Variants in TAF13 observed in about 807,000 individuals in gnomAD.
TAF13 encodes the protein transcription initiation factor TFIID subunit 13.
In TAF13, 9 loss-of-function variants were observed where a neutral mutation model predicts 18.7. The observed-to-expected ratio is 0.48, with a 90% CI of 0.29 to 0.84. The LOEUF (loss-of-function observed/expected upper bound fraction) is 0.84, where lower values mean the gene tolerates loss of function less well. Among genes scored for constraint, TAF13 ranks in the 40% least tolerant of loss-of-function variants. The probability of loss-of-function intolerance (pLI) is 0.08; values close to 1 mark genes in which losing one functional copy is unlikely to be tolerated. For synonymous variants in TAF13, 49 were observed against 44.1 expected (o/e 1.11, Z -0.44); for missense variants, 105 against 146.5 (o/e 0.72, Z 1.46).
intron 2 of TAF13, among the ~76,000 whole-genome samples, chr1:109,068,459 A>G (rs1167440107): frequency 1.3e-5 from 2 of 152,016 alleles, no homozygotes; most frequent in East Asian, 3.9e-4. Context: ...TTCTAGAGAC[A>G]GGGGTCTTGC....
chr1:109,075,243 C>A (rs1392537325), intron 1 of TAF13, among the ~76,000 whole-genome samples, 178 bp from the exon 2 acceptor site: 3 of 151,548 alleles, frequency 2.0e-5, no homozygotes, highest in African/African-American at 7.3e-5. Flanking sequence ...CAACTTCCAA[C>A]TCATGCAAAA....
intron 2 of TAF13, among the ~76,000 whole-genome samples, chr1:109,071,028 G>A (rs1298381118): frequency 6.6e-6 from 1 of 152,204 alleles, no homozygotes; most frequent in Non-Finnish European, 1.5e-5. Flanking sequence ...AGTGTCTGGC[G>A]GCTCATGCCT....
At chr1:109,074,594 A>T (rs1664148197) in intron 2 of TAF13, among the ~76,000 whole-genome samples, 1 of 152,144 alleles carries the variant, frequency 6.6e-6, no homozygotes, top group African/African-American at 2.4e-5. Flanking sequence ...AAAATTAAAA[A>T]AATAAAATAA....
chr1:109,075,209 T>C (rs922827579), intron 1 of TAF13, 144 bp from the exon 2 acceptor site: 45 of 681,320 alleles, frequency 6.6e-5, no homozygotes, highest in Admixed American at 2.9e-5. Flanking sequence ...AACCTTAGCA[T>C]TGAAGGAGCC....
chr1:109,071,616 G>A (rs1412288368), intron 2 of TAF13, among the ~76,000 whole-genome samples: 1 of 151,440 alleles, frequency 6.6e-6, no homozygotes, highest in Non-Finnish European at 1.5e-5. Flanking sequence ...CTGTCTCTAA[G>A]AAAATAAATA....
chr1:109,067,369 G>A (rs957864703), intron 2 of TAF13, among the ~76,000 whole-genome samples: 1 of 151,784 alleles, frequency 6.6e-6, no homozygotes, highest in South Asian at 2.1e-4. Flanking sequence ...TCAGGAGGCT[G>A]AGGCAGATCA....
chr1:109,070,393 A>C (rs943135686), intron 2 of TAF13, among the ~76,000 whole-genome samples: 1 of 151,842 alleles, frequency 6.6e-6, no homozygotes, highest in Non-Finnish European at 1.5e-5. Flanking sequence ...TAATTTTTCT[A>C]TTTTTAGTAG....
At chr1:109,065,857 G>A (rs769469052) in intron 3 of TAF13, among the ~76,000 whole-genome samples, 18 of 150,912 alleles carry the variant, frequency 1.2e-4, no homozygotes, top group Non-Finnish European at 2.1e-4. Context: ...GGAGACGGAG[G>A]TTGCAGTGAG....
chr1:109,064,808 T>C (rs1401237729), intron 3 of TAF13, 115 bp from the exon 4 acceptor site: 26 of 836,418 alleles, frequency 3.1e-5, no homozygotes, highest in Admixed American at 6.6e-5. Flanking sequence ...ATTATTATTA[T>C]GGCTATTCAT....
Position 109,064,556 on chromosome 1 carries a change from T to C in TAF13, c.342A>G (p.Arg114=). 6.4e-7 allele frequency: 1 copy of C among 1,550,478 alleles called. No individual in the cohort carries two copies. The highest frequency in any genetic ancestry group is 8.7e-7 in the Non-Finnish European group (1 of 1,151,048). Residue 114 remains arginine (R), a synonymous_variant, in exon 4 of 4, where the codon AGA becomes AGG. Coordinates refer to ENST00000338366, the MANE Select transcript of TAF13 (RefSeq NM_005645.4). The part of the protein sequence containing the change: ...LTMNEELKRA[R]KAFDEANYGS Reference sequence around the variant, plus strand: ...CATAATTTGCTTCATCAAATGCTTTTCTAGCTCGTTTCAATTCTTCATTCA... The same window carrying C: ...CATAATTTGCTTCATCAAATGCTTTCCTAGCTCGTTTCAATTCTTCATTCA...
chr1:109,069,221 G>A (rs1012391357), intron 2 of TAF13, among the ~76,000 whole-genome samples: 5 of 130,650 alleles, frequency 3.8e-5, no homozygotes, highest in African/African-American at 1.4e-4. Context: ...GTGTGTGTGT[G>A]CGCACATGTA....
At chr1:109,073,098 T>G (rs1452824996) in intron 2 of TAF13, among the ~76,000 whole-genome samples, 2 of 152,040 alleles carry the variant, frequency 1.3e-5, no homozygotes, top group South Asian at 2.1e-4. Flanking sequence ...CACTTGCTAC[T>G]CTCCCTCAAC....
chr1:109,073,141 T>A (rs1553243527), intron 2 of TAF13, among the ~76,000 whole-genome samples: 1 of 152,174 alleles, frequency 6.6e-6, no homozygotes, highest in Non-Finnish European at 1.5e-5. Context: ...ACCTGTGGCT[T>A]ACAGTCAAAG....
intron 2 of TAF13, among the ~76,000 whole-genome samples, chr1:109,074,108 T>G (rs1282456087): frequency 6.6e-6 from 1 of 152,196 alleles, no homozygotes; most frequent in African/African-American, 2.4e-5. Flanking sequence ...CGGGCCATGA[T>G]GACGATGGCG....
intron 2 of TAF13, 138 bp from the exon 3 acceptor site, chr1:109,066,370 C>A: frequency 1.5e-6 from 1 of 677,870 alleles, no homozygotes; most frequent in Non-Finnish European, 2.4e-6. Flanking sequence ...TTGTTATCTC[C>A]AAGTATGGAT....
chr1:109,066,129 T>C lies in TAF13; in HGVS notation c.204+6A>G. 1 of 1,603,670 alleles carries C rather than the reference T, an allele frequency of 6.2e-7. No individual in the cohort carries two copies. The highest frequency in any genetic ancestry group is 8.5e-7 in the Non-Finnish European group (1 of 1,175,766). ...TTAACTAAGACCAGTTAGGAAAGAA[T>C]CTTACCATTTCAGTGATAAACTCTA... On this transcript the variant is annotated splice_donor_region_variant and intron_variant, in intron 3 of 3. Transcript: ENST00000338366.
At chr1:109,065,185 T>C (rs1032762869) in intron 3 of TAF13, among the ~76,000 whole-genome samples, 1 of 152,106 alleles carries the variant, frequency 6.6e-6, no homozygotes, top group African/African-American at 2.4e-5. Flanking sequence ...AAATAGAAGC[T>C]AAATACTTAA....
At chr1:109,070,262 AG>A (rs567313388) in intron 2 of TAF13, among the ~76,000 whole-genome samples, 41 of 152,250 alleles carry the variant, frequency 2.7e-4, no homozygotes, top group African/African-American at 9.6e-4. Context: ...CTCTGTCACC[AG>A]GCTGGAGTTC....
intron 2 of TAF13, among the ~76,000 whole-genome samples, chr1:109,072,687 C>A (rs892906707): frequency 6.6e-6 from 1 of 152,050 alleles, no homozygotes; most frequent in Non-Finnish European, 1.5e-5. Context: ...TCAAGCAGTC[C>A]GCCTGCCTTG....
Sources: gnomAD v4.1 joint callset for allele counts (sites outside exome capture counted in the v4.1 genomes callset) on GRCh38, gnomAD v4.1.1 for gene constraint, MANE v1.5 for transcripts, NCBI Gene and HGNC (gene_info 2026-07-23, HGNC 2026-07-21) for gene names.